Variants in WDR25 observed in about 807,000 individuals in gnomAD.
The protein encoded by WDR25 is WD repeat-containing protein 25.
Under a neutral mutation model 47.7 loss-of-function variants are expected in WDR25, and 35 were observed. The ratio of observed to expected loss-of-function variants is 0.73; its 90% confidence interval spans 0.56 to 0.97. The LOEUF (loss-of-function observed/expected upper bound fraction) is 0.97, where lower values mean the gene tolerates loss of function less well. WDR25 is among the 50% of genes least tolerant of loss of function. The probability of loss-of-function intolerance (pLI) is 0.00; values close to 1 mark genes in which losing one functional copy is unlikely to be tolerated. For missense variants in WDR25, 634 were observed against 704.7 expected (o/e 0.90, Z 1.14); for synonymous variants, 248 against 278.9 (o/e 0.89, Z 1.10).
intron 2 of WDR25, among the ~76,000 whole-genome samples, chr14:100,453,435 A>G (rs988066537): frequency 1.3e-5 from 2 of 152,204 alleles, no homozygotes; most frequent in African/African-American, 4.8e-5. Flanking sequence ...GAGAGGATTG[A>G]GTTAATTCGG....
At chr14:100,426,409 T>A (rs1301479059) in intron 2 of WDR25, among the ~76,000 whole-genome samples, 2 of 152,258 alleles carry the variant, frequency 1.3e-5, no homozygotes, top group Admixed American at 1.3e-4. Flanking sequence ...GTTATAAATT[T>A]GTGTTCCAAG....
At position 100,504,515 on chromosome 14, in the gene WDR25, G is replaced by T. The variant is rs372433528; in HGVS notation, c.1101+20391G>T. ...AAAGCAGGTCACTGGGGGAGCTTGT[G>T]AGTCTGCTGCTGCTTCCAAGGCTCA... On this transcript the variant is annotated intron_variant, in intron 4 of 6. Coordinates refer to ENST00000402312, the MANE Select transcript of WDR25 (RefSeq NM_001161476.3). 7.9e-5 allele frequency: 12 copies of T among 152,332 alleles called. No homozygotes were observed. In the East Asian group the frequency reaches 2.3e-3, roughly 29 times the overall value. 9.4% of individuals were successfully genotyped at this position (152,332 alleles called of 1,614,324 possible). A position where few individuals can be genotyped will look rare whatever the true frequency, so the allele number is the denominator to read the frequency against.
chr14:100,421,961 T>C (rs561016458), intron 2 of WDR25, among the ~76,000 whole-genome samples: 12 of 152,382 alleles, frequency 7.9e-5, no homozygotes, highest in Admixed American at 7.8e-4. Context: ...CTCATTCTCC[T>C]ACTCCTGGAA....
chr14:100,426,987 G>A lies in WDR25; in HGVS notation c.823-41034G>A, dbSNP rs375159447. 1.2e-4 allele frequency among the ~76,000 whole-genome samples: 18 copies of A among 152,188 alleles called. No homozygotes were observed. In the East Asian group the frequency reaches 3.1e-3, roughly 26 times the overall value. ...GGTTTCATACATGAGCTGATCACTC[G>A]GGGGCTTGCTTAAAACCCTTCAGCA... On this transcript the variant is annotated intron_variant, in intron 2 of 6. Transcript: ENST00000402312.
intron 2 of WDR25, chr14:100,454,474 T>G (rs937808318): frequency 2.7e-5 from 34 of 1,278,594 alleles, no homozygotes; most frequent in Non-Finnish European, 3.3e-5. Context: ...AAGCAGTAGT[T>G]CTGGCAGACT....
rs535907265 is a variant in WDR25 at position 100,404,530 on chromosome 14, C to T, written c.822+22784C>T. 6.6e-6 allele frequency among the ~76,000 whole-genome samples: 1 copy of T among 152,304 alleles called. No individual in the cohort carries two copies. The highest frequency in any genetic ancestry group is 1.9e-4 in the East Asian group (1 of 5,170). On this transcript the variant is annotated intron_variant, in intron 2 of 6. Coordinates refer to ENST00000402312, the MANE Select transcript of WDR25 (RefSeq NM_001161476.3). This position sits in a 1 kb window ranked among gnomAD's most constrained non-coding sequence, Gnocchi z 4.6. Reference sequence around the variant, plus strand: ...GTTCCTGGCTGGGAAACAGGGGCCCCTACCTGTGGGCTGCGTGGGCCAGGA... The same window carrying T: ...GTTCCTGGCTGGGAAACAGGGGCCCTTACCTGTGGGCTGCGTGGGCCAGGA...
Position 100,404,544 on chromosome 14 carries a change from C to T in WDR25, c.822+22798C>T, listed in dbSNP as rs1237811758. ...AACAGGGGCCCCTACCTGTGGGCTGCGTGGGCCAGGAGGGTCAGCAGGCCC... is the reference window on the plus strand; with the variant it reads ...AACAGGGGCCCCTACCTGTGGGCTGTGTGGGCCAGGAGGGTCAGCAGGCCC... On this transcript the variant is annotated intron_variant, in intron 2 of 6. Transcript: ENST00000402312. The surrounding 1 kb of genome is among the most constrained non-coding windows in gnomAD (Gnocchi z 4.6). 2.0e-5 allele frequency among the ~76,000 whole-genome samples: 3 copies of T among 152,142 alleles called. No homozygotes were observed. The highest frequency in any genetic ancestry group is 4.8e-5 in the African/African-American group (2 of 41,450).
chr14:100,390,579 G>T (rs549541920), intron 2 of WDR25, among the ~76,000 whole-genome samples: 2 of 152,230 alleles, frequency 1.3e-5, no homozygotes, highest in African/African-American at 2.4e-5. Context: ...TCAGGGAGGT[G>T]TCTTCTCTGG....
At chr14:100,401,137 C>T (rs1897369089) in intron 2 of WDR25, among the ~76,000 whole-genome samples, 1 of 152,204 alleles carries the variant, frequency 6.6e-6, no homozygotes, top group African/African-American at 2.4e-5. Flanking sequence ...TTTTGTCTCA[C>T]AATAATATTT....
intron 2 of WDR25, among the ~76,000 whole-genome samples, chr14:100,462,266 G>C (rs565338827): frequency 6.6e-6 from 1 of 152,092 alleles, no homozygotes; most frequent in South Asian, 2.1e-4. Context: ...TACTTTTGTC[G>C]GACACAAAGA....
intron 4 of WDR25, among the ~76,000 whole-genome samples, chr14:100,486,777 G>A (rs1900401081): frequency 6.6e-6 from 1 of 152,186 alleles, no homozygotes. Flanking sequence ...GGACCGCGGT[G>A]GGAATCGCAG....
intron 4 of WDR25, among the ~76,000 whole-genome samples, chr14:100,496,311 T>C (rs1900727562): frequency 6.6e-6 from 1 of 152,244 alleles, no homozygotes; most frequent in Non-Finnish European, 1.5e-5. Context: ...TTTGTAATAT[T>C]CTCTTTTTCT....
chr14:100,494,432 G>A (rs1252148722), intron 4 of WDR25, among the ~76,000 whole-genome samples: 2 of 152,314 alleles, frequency 1.3e-5, no homozygotes, highest in South Asian at 2.1e-4. Context: ...TTTGAGTCTA[G>A]TTCTGATACT....
chr14:100,390,848 T>C (rs1046537795), intron 2 of WDR25, among the ~76,000 whole-genome samples: 1 of 152,336 alleles, frequency 6.6e-6, no homozygotes, highest in African/African-American at 2.4e-5. Flanking sequence ...GGCAGAATTA[T>C]TACCTTTTGA....
chr14:100,436,088 G>C (rs770551187), intron 2 of WDR25, among the ~76,000 whole-genome samples: 17 of 152,320 alleles, frequency 1.1e-4, no homozygotes, highest in Non-Finnish European at 2.1e-4. Context: ...GCCAGATTCA[G>C]GTGTCAAATT....
chr14:100,381,781 C>G, intron 2 of WDR25, 35 bp downstream of exon 2: 3 of 1,511,492 alleles, frequency 2.0e-6, no homozygotes, highest in Non-Finnish European at 2.7e-6. Flanking sequence ...CTTTCAGATG[C>G]TCTTAGGAAT....
chr14:100,400,337 C>A (rs1027384215), intron 2 of WDR25, among the ~76,000 whole-genome samples: 1 of 152,212 alleles, frequency 6.6e-6, no homozygotes, highest in African/African-American at 2.4e-5. Flanking sequence ...GGGCTGTTGG[C>A]GCCTGGTCCT....
At chr14:100,391,127 A>G (rs905312757) in intron 2 of WDR25, among the ~76,000 whole-genome samples, 1 of 152,090 alleles carries the variant, frequency 6.6e-6, no homozygotes, top group African/African-American at 2.4e-5. Flanking sequence ...TTTTTTTAAC[A>G]GAGAAAACCT....
intron 1 of WDR25, among the ~76,000 whole-genome samples, chr14:100,380,577 C>T (rs1322354301): frequency 1.3e-5 from 2 of 151,678 alleles, no homozygotes; most frequent in African/African-American, 2.4e-5. Flanking sequence ...TCACTGCAAC[C>T]TCCGCCTCCC....
Sources: allele counts gnomAD v4.1 joint callset (sites outside exome capture counted in the v4.1 genomes callset), GRCh38; gene constraint gnomAD v4.1.1; non-coding constraint Gnocchi (gnomAD v3.1); transcripts MANE v1.5; gene names NCBI Gene and HGNC (gene_info 2026-07-23, HGNC 2026-07-21).